SMARCA4: variants seen among roughly 807,000 people sequenced by gnomAD.
The protein encoded by SMARCA4 is SWI/SNF-related matrix-associated actin-dependent regulator of chromatin subfamily A member 4.
In SMARCA4, 31 loss-of-function variants were observed where a neutral mutation model predicts 193.9. That is an observed-to-expected ratio of 0.16 (90% CI 0.12 to 0.22). The LOEUF (loss-of-function observed/expected upper bound fraction) is 0.22, where lower values mean the gene tolerates loss of function less well. Among genes scored for constraint, SMARCA4 ranks in the 10% least tolerant of loss-of-function variants. The probability of loss-of-function intolerance (pLI) is 1.00; values close to 1 mark genes in which losing one functional copy is unlikely to be tolerated. For missense variants in SMARCA4, 1,148 were observed against 2,296.0 expected, an observed-to-expected ratio of 0.50 and a Z score of 10.22; for synonymous variants, 942 against 933.1, an observed-to-expected ratio of 1.01 and a Z score of -0.17.
chr19:10,962,459 C>G (rs564009139), intron 1 of SMARCA4, among the ~76,000 whole-genome samples: 2 of 152,080 alleles, frequency 1.3e-5, no homozygotes, highest in Non-Finnish European at 2.9e-5. Context: ...GAGAGGGACA[C>G]AGCGGACAGG....
intron 23 of SMARCA4, 178 bp from the exon 24 acceptor site, chr19:11,027,606 G>A (rs753385707): frequency 4.2e-6 from 3 of 721,706 alleles, no homozygotes; most frequent in African/African-American, 1.7e-5. Context: ...GCTTATTTCA[G>A]TTGGGGGAAA....
rs772638166 is a variant in SMARCA4, at chr19:11,012,978, G to A, written c.2304G>A (p.Leu768=). Residue 768 remains leucine, a synonymous_variant, in exon 16 of 35, where the codon CTG becomes CTA. Coordinates refer to ENST00000344626, the MANE Select transcript of SMARCA4 (RefSeq NM_003072.5). ...AAGGTTTGGAGTGGCTGGTGTCCCTGTACAACAACAACCTGAACGGCATCC... is the reference window on the plus strand; with the variant it reads ...AAGGTTTGGAGTGGCTGGTGTCCCTATACAACAACAACCTGAACGGCATCC... ...QIKGLEWLVS[L]YNNNLNGILA... is the part of the protein sequence containing the mutation. The A allele has an allele frequency of 9.3e-6, 15 of 1,614,032 alleles. No homozygotes were observed. Among genetic ancestry groups the A allele is most frequent in the Non-Finnish European group, 1.3e-5 (15 of 1,180,028 alleles).
At chr19:10,968,338 G>T (rs568905461) in intron 1 of SMARCA4, among the ~76,000 whole-genome samples, 3 of 152,206 alleles carry the variant, frequency 2.0e-5, no homozygotes, top group South Asian at 4.1e-4. Flanking sequence ...TGCTTTTGGG[G>T]ACTCTGTTAC....
intron 1 of SMARCA4, among the ~76,000 whole-genome samples, chr19:10,979,707 A>G (rs1033888682): frequency 6.7e-6 from 1 of 149,928 alleles, no homozygotes; most frequent in Non-Finnish European, 1.5e-5. Context: ...TGTTATAAGT[A>G]TATATTGTAT....
intron 1 of SMARCA4, among the ~76,000 whole-genome samples, chr19:10,979,120 G>T (rs918003922): frequency 3.9e-5 from 6 of 152,180 alleles, no homozygotes; most frequent in African/African-American, 1.4e-4. Flanking sequence ...AAGTGTTGGG[G>T]TTGATGAAGA....
intron 8 of SMARCA4, among the ~76,000 whole-genome samples, chr19:10,992,833 C>T (rs926221750): frequency 9.9e-5 from 15 of 151,986 alleles, no homozygotes; most frequent in African/African-American, 2.2e-4. Flanking sequence ...CCTCGTGATC[C>T]GCCTGCCTCG....
chr19:10,968,268 A>G (rs1339966157), intron 1 of SMARCA4, among the ~76,000 whole-genome samples: 1 of 152,188 alleles, frequency 6.6e-6, no homozygotes, highest in Non-Finnish European at 1.5e-5. Context: ...GATTACAGGC[A>G]TGAGCCACCA....
In SMARCA4 at chr19:11,024,861, T is replaced by C. The variant is rs548398214; in HGVS notation, c.3081+423T>C. ...CTCCCAGGAAATGCACCAGACCCCTTGATTCTGCCCCCAAGGCCTTGACCT... is the reference window on the plus strand; with the variant it reads ...CTCCCAGGAAATGCACCAGACCCCTCGATTCTGCCCCCAAGGCCTTGACCT... On this transcript the variant is annotated intron_variant, in intron 21 of 34. Transcript: ENST00000344626. Among the ~76,000 whole-genome samples the C allele has an allele frequency of 2.3e-4, 35 of 152,208 alleles. No individual in the cohort carries two copies. The South Asian group carries it at 3.9e-3, about 17-fold the overall frequency.
chr19:11,061,205 ATATAT>A (rs1276398938), intron 34 of SMARCA4, among the ~76,000 whole-genome samples: 1,280 of 38,446 alleles, frequency 0.033, 7 homozygotes, highest in Middle Eastern at 0.054. Context: ...AAAAAAAAAA[ATATAT>A]ATATATATAT....
At chr19:10,995,034 T>C (rs2145944745) in intron 9 of SMARCA4, 33 bp downstream of exon 9, 3 of 1,577,588 alleles carry the variant, frequency 1.9e-6, no homozygotes, top group Non-Finnish European at 2.6e-6. Flanking sequence ...TGCGCTCTTC[T>C]ACATGTGTAG....
At chr19:10,964,846 C>T (rs1034204251) in intron 1 of SMARCA4, among the ~76,000 whole-genome samples, 9 of 152,030 alleles carry the variant, frequency 5.9e-5, no homozygotes, top group Admixed American at 5.2e-4. Flanking sequence ...GTCTCGAACT[C>T]CTGGCCTCCT....
intron 11 of SMARCA4, among the ~76,000 whole-genome samples, chr19:11,000,964 C>T (rs989697450): frequency 3.3e-5 from 5 of 151,936 alleles, no homozygotes; most frequent in Non-Finnish European, 5.9e-5. Context: ...GAACAGGCAC[C>T]GGCACTTGCT....
chr19:11,017,520 C>T (rs1233642808), intron 16 of SMARCA4, among the ~76,000 whole-genome samples: 1 of 152,260 alleles, frequency 6.6e-6, no homozygotes, highest in African/African-American at 2.4e-5. Context: ...TCCGGCTGTG[C>T]CGGCCCTCTC....
At chr19:10,980,687 G>A (rs949134407) in intron 1 of SMARCA4, 2 of 152,024 alleles carry the variant, frequency 1.3e-5, no homozygotes, top group African/African-American at 4.8e-5. Flanking sequence ...ACTTCCCAGT[G>A]TATGCTCGTT....
intron 11 of SMARCA4, among the ~76,000 whole-genome samples, chr19:10,997,721 C>A (rs2087213569): frequency 6.6e-6 from 1 of 152,158 alleles, no homozygotes; most frequent in African/African-American, 2.4e-5. Context: ...CCTGCCTCAG[C>A]CTCCCAAAGT....
chr19:11,003,219 C>T (rs1392062033), intron 12 of SMARCA4, 60 bp downstream of exon 12: 1 of 1,611,744 alleles, frequency 6.2e-7, no homozygotes, highest in Non-Finnish European at 8.5e-7. Flanking sequence ...GGGCCTTGTT[C>T]CAGGGAGGTG....
intron 18 of SMARCA4, chr19:11,020,846 T>G (rs2089801805): frequency 6.6e-6 from 1 of 152,162 alleles, no homozygotes. Flanking sequence ...CTCTTCTTTT[T>G]TTTTTTTATT....
chr19:10,986,277 G>T lies in SMARCA4; in HGVS notation c.444G>T (p.Gly148=), dbSNP rs2086023648. ...GPSSGPQMSS[G]PGGAPLDGAD... is the part of the protein sequence containing the mutation. ...CTTCGGGGCCCCAGATGTCTTCCGG[G>T]CCAGGAGGTGCCCCGCTGGATGGTG... The change falls in exon 4 of 35, where the codon GGG becomes GGT. Residue 148 remains glycine (G), a synonymous_variant. Coordinates refer to ENST00000344626, the MANE Select transcript of SMARCA4 (RefSeq NM_003072.5). The surrounding 1 kb of genome is among the most constrained non-coding windows in gnomAD (Gnocchi z 6.7). 1.2e-6 allele frequency: 2 copies of T among 1,613,836 alleles called. No homozygotes were observed. Among genetic ancestry groups the T allele is most frequent in the Non-Finnish European group, 1.7e-6 (2 of 1,179,996 alleles).
At chr19:11,008,560 G>T (rs1451349185) in intron 14 of SMARCA4, among the ~76,000 whole-genome samples, 4 of 152,138 alleles carry the variant, frequency 2.6e-5, no homozygotes, top group African/African-American at 9.7e-5. Flanking sequence ...CATTTTCGTA[G>T]CCTGTCCTTT....
Sources: allele counts gnomAD v4.1 joint callset (sites outside exome capture counted in the v4.1 genomes callset), GRCh38; gene constraint gnomAD v4.1.1; non-coding constraint Gnocchi (gnomAD v3.1); transcripts MANE v1.5; gene names NCBI Gene and HGNC (gene_info 2026-07-23, HGNC 2026-07-21).